LRCH2: variants seen among roughly 807,000 people sequenced by gnomAD.
The protein encoded by LRCH2 is leucine-rich repeat and calponin homology domain-containing protein 2.
A neutral mutation model predicts 68.9 loss-of-function variants in LRCH2; 38 were observed. The observed-to-expected ratio is 0.55, with a 90% CI of 0.43 to 0.72. The LOEUF (loss-of-function observed/expected upper bound fraction) is 0.72. Ranked by LOEUF, LRCH2 falls within the 30% of genes least tolerant of loss-of-function variation. LRCH2 has a pLI of 0.00. For missense variants in LRCH2, 528 were observed against 572.9 expected, an observed-to-expected ratio of 0.92 and a Z score of 0.80; for synonymous variants, 191 against 208.1, an observed-to-expected ratio of 0.92 and a Z score of 0.71.
At chrX:115,160,691 C>G (rs1269035130) in intron 11 of LRCH2, among the ~76,000 whole-genome samples, 2 of 111,966 alleles carry the variant, frequency 1.8e-5, no homozygotes, top group Non-Finnish European at 3.8e-5. Flanking sequence ...TTTTAAATAG[C>G]ATTTCAGATC....
chrX:115,219,747 A>T (rs2073065999), intron 1 of LRCH2, among the ~76,000 whole-genome samples: 1 of 112,016 alleles, frequency 8.9e-6, no homozygotes, highest in Admixed American at 9.4e-5. Context: ...AAAATAGGAG[A>T]TAATAAGCTG....
At chrX:115,153,566 A>G (rs1404147261) in intron 12 of LRCH2, among the ~76,000 whole-genome samples, 1 of 111,316 alleles carries the variant, frequency 9.0e-6, no homozygotes. Context: ...TGTTTAAAGC[A>G]TAAATAACAA....
chrX:115,113,882 C>T (rs1242505626), intron 20 of LRCH2, among the ~76,000 whole-genome samples: 4 of 111,130 alleles, frequency 3.6e-5, no homozygotes, highest in African/African-American at 1.3e-4. Flanking sequence ...TAGCCCTCAC[C>T]GATCCTCTTC....
rs782537113 is a variant in LRCH2, at chrX:115,142,777, A to C, written c.1695+7050T>G. On this transcript the variant is annotated intron_variant, in intron 14 of 20. Coordinates refer to ENST00000317135, the MANE Select transcript of LRCH2 (RefSeq NM_020871.4). ...ATTCATCTTAAAGAACCAGAAAAGG[A>C]AGAGCAAACCAAATCCAAAGTTAGT... Among the ~76,000 whole-genome samples, 145 of 111,882 alleles carry C rather than the reference A, an allele frequency of 1.3e-3. 2 individuals are homozygous for C. The highest frequency in any genetic ancestry group is 4.3e-3 in the African/African-American group (133 of 30,784).
At chrX:115,197,612 C>T (rs994830279) in intron 1 of LRCH2, among the ~76,000 whole-genome samples, 1 of 109,333 alleles carries the variant, frequency 9.1e-6, no homozygotes, top group African/African-American at 3.3e-5. Context: ...ATTAGCTAGG[C>T]GTGGTGGCAC....
intron 1 of LRCH2, chrX:115,190,727 G>A (rs782060490): frequency 3.7e-5 from 41 of 1,117,457 alleles, no homozygotes; most frequent in South Asian, 1.1e-4. Context: ...TACCGAGGCC[G>A]CTCACACGAG....
chrX:115,180,273 C>T (rs2072681678), intron 3 of LRCH2, among the ~76,000 whole-genome samples: 1 of 110,757 alleles, frequency 9.0e-6, no homozygotes, highest in Admixed American at 9.7e-5. Context: ...TTACAAGCCC[C>T]AACACTTGTG....
intron 12 of LRCH2, among the ~76,000 whole-genome samples, chrX:115,155,675 TTAC>T (rs782586677): frequency 9.7e-4 from 109 of 111,948 alleles, no homozygotes; most frequent in Middle Eastern, 4.2e-3. Context: ...CATAAGCAAT[TTAC>T]TACATTAACC....
intron 3 of LRCH2, among the ~76,000 whole-genome samples, chrX:115,183,064 G>GCACACGCACA (rs2072705888): frequency 9.3e-6 from 1 of 107,895 alleles, no homozygotes; most frequent in South Asian, 4.0e-4. Context: ...GCACACGCAC[G>GCACACGCACA]CACACGCACA....
chrX:115,180,061 G>A (rs1318483035), intron 3 of LRCH2, among the ~76,000 whole-genome samples: 1 of 111,078 alleles, frequency 9.0e-6, no homozygotes, highest in African/African-American at 3.3e-5. Flanking sequence ...GAATGATCCA[G>A]CACTCTTCAC....
In LRCH2 at chrX:115,174,102, G is replaced by A. The variant is rs781964036; in HGVS notation, c.865-3670C>T. 7.1e-4 allele frequency among the ~76,000 whole-genome samples: 79 copies of A among 110,649 alleles called. 1 individual carries two copies. The highest frequency in any genetic ancestry group is 2.3e-3 in the African/African-American group (71 of 30,425). The stretch of plus-strand genomic sequence containing the variant: ...GGATTTTTTACAGTATGCAGGGTTC[G>A]ATGCCCCTAACCCTCATGTTGTTCA... On this transcript the variant is annotated intron_variant, in intron 5 of 20. Transcript: ENST00000317135.
chrX:115,124,608 T>C (rs1207180289), intron 16 of LRCH2, among the ~76,000 whole-genome samples: 1 of 112,352 alleles, frequency 8.9e-6, no homozygotes, highest in Admixed American at 9.5e-5. Context: ...GATTGTTTCT[T>C]CATCTTTCAA....
chrX:115,190,306 C>T (rs1482467662), intron 1 of LRCH2: 1 of 1,149,978 alleles, frequency 8.7e-7, no homozygotes, highest in Non-Finnish European at 1.2e-6. Context: ...GGGTCGCGAC[C>T]ATGAGTACAC....
At chrX:115,222,185 C>G (rs2073090123) in intron 1 of LRCH2, among the ~76,000 whole-genome samples, 1 of 111,360 alleles carries the variant, frequency 9.0e-6, no homozygotes. Flanking sequence ...CAGAAAAAGC[C>G]TTTGACAAAA....
At chrX:115,156,525 A>G in intron 12 of LRCH2, 77 bp downstream of exon 12, 1 of 584,473 alleles carries the variant, frequency 1.7e-6, no homozygotes, top group South Asian at 3.6e-5. Flanking sequence ...ATTAAAGCCT[A>G]TATACAAAAA....
intron 1 of LRCH2, among the ~76,000 whole-genome samples, chrX:115,189,042 C>A (rs2072756781): frequency 9.0e-6 from 1 of 111,559 alleles, no homozygotes; most frequent in East Asian, 2.8e-4. Flanking sequence ...CACATAAACC[C>A]ACAACACAAC....
chrX:115,208,624 G>A (rs1035630573), intron 1 of LRCH2, among the ~76,000 whole-genome samples: 3 of 111,592 alleles, frequency 2.7e-5, no homozygotes, highest in Non-Finnish European at 1.9e-5. Flanking sequence ...GTCTATCTGC[G>A]GCCCATTGAA....
At chrX:115,199,299 T>C (rs2072913740) in intron 1 of LRCH2, among the ~76,000 whole-genome samples, 1 of 111,619 alleles carries the variant, frequency 9.0e-6, no homozygotes, top group African/African-American at 3.3e-5. Flanking sequence ...AACCCTCACA[T>C]ATATCAATAT....
chrX:115,132,154 C>T (rs921023489), intron 14 of LRCH2, among the ~76,000 whole-genome samples: 1 of 111,756 alleles, frequency 8.9e-6, no homozygotes, highest in Non-Finnish European at 1.9e-5. Context: ...GAAGTCCTTG[C>T]CCATGCCTAT....
Sources: allele counts gnomAD v4.1 joint callset (sites outside exome capture counted in the v4.1 genomes callset), GRCh38; gene constraint gnomAD v4.1.1; transcripts MANE v1.5; gene names NCBI Gene and HGNC (gene_info 2026-07-23, HGNC 2026-07-21).